The following HDAC9 variants were observed in gnomAD, a reference collection of about 807,000 sequenced individuals.
The protein encoded by HDAC9 is histone deacetylase 9, also known as MEF-2 interacting transcription repressor (MITR) protein.
Under a neutral mutation model 139.4 loss-of-function variants are expected in HDAC9, and 41 were observed. The ratio of observed to expected loss-of-function variants is 0.29; its 90% CI spans 0.23 to 0.38. The LOEUF is 0.38. HDAC9 is among the 10% of genes least tolerant of loss of function. The probability of loss-of-function intolerance (pLI) is 1.00; values close to 1 mark genes in which losing one functional copy is unlikely to be tolerated. For synonymous variants in HDAC9, 517 were observed against 476.2 expected (o/e 1.09, Z -1.12); for missense variants, 1,147 against 1,297.0 (o/e 0.88, Z 1.78).
At chr7:18,565,756 T>C (rs1034698436) in intron 2 of HDAC9, among the ~76,000 whole-genome samples, 9 of 152,180 alleles carry the variant, frequency 5.9e-5, no homozygotes, top group African/African-American at 2.2e-4. Flanking sequence ...ATTTTATTTA[T>C]ATAAGCCTTT....
chr7:18,525,960 G>A (rs1806747064), intron 2 of HDAC9, among the ~76,000 whole-genome samples: 1 of 152,148 alleles, frequency 6.6e-6, no homozygotes, highest in South Asian at 2.1e-4. Flanking sequence ...CACCACCAAA[G>A]ACATAATGTC....
intron 2 of HDAC9, among the ~76,000 whole-genome samples, chr7:18,256,417 G>A (rs540254810): frequency 1.3e-5 from 2 of 152,294 alleles, no homozygotes; most frequent in South Asian, 4.1e-4. Context: ...CTAGATGGAA[G>A]AGTTGAAAGG....
chr7:18,829,278 G>T, intron 18 of HDAC9, 62 bp downstream of exon 18: 1 of 1,348,990 alleles, frequency 7.4e-7, no homozygotes, highest in Non-Finnish European at 1.1e-6. Context: ...CACCTGCCCC[G>T]TGCATGTTTC....
At chr7:18,330,037 T>TA (rs1288665174) in intron 1 of HDAC9, among the ~76,000 whole-genome samples, 1 of 151,312 alleles carries the variant, frequency 6.6e-6, no homozygotes, top group Non-Finnish European at 1.5e-5. Context: ...GAAGGTATGA[T>TA]ACCCACCTCT....
rs182836257 is a variant in HDAC9 at position 18,251,453 on chromosome 7, C to T, written c.25+89104C>T. Among the ~76,000 whole-genome samples, 38 of 152,180 alleles carry T rather than the reference C, an allele frequency of 2.5e-4. No individual in the cohort carries two copies. In the East Asian group the frequency reaches 7.2e-3, roughly 29 times the overall value. ...ATGAGATGATCTGTGCAGCAGACCA[C>T]CATGGTACACATTTAGCTGTGTAAC... is the stretch of plus-strand genomic sequence containing the variant. On this transcript the variant is annotated intron_variant, in intron 2 of 12. Transcript: ENST00000417496.
rs368117424 is a variant in HDAC9 at position 18,488,107 on chromosome 7, C to G, written c.-41-8155C>G. Among the ~76,000 whole-genome samples the G allele has an allele frequency of 2.4e-4, 36 of 152,084 alleles. 3 individuals carry two copies. The highest frequency in any genetic ancestry group is 2.0e-3 in the Admixed American group (30 of 15,246). On this transcript the variant is annotated intron_variant, in intron 1 of 3. Transcript: ENST00000413509. ...AGAATGCTAATCCTTAACTGGACTTCTAGAATTTTTTTATTTTCATAGTCC... is the reference window on the plus strand; with the variant it reads ...AGAATGCTAATCCTTAACTGGACTTGTAGAATTTTTTTATTTTCATAGTCC...
chr7:18,978,649 T>C (rs1784703564), intron 25 of HDAC9, among the ~76,000 whole-genome samples: 1 of 152,208 alleles, frequency 6.6e-6, no homozygotes, highest in African/African-American at 2.4e-5. Flanking sequence ...AAATTAAATA[T>C]ATACGTCTGG....
At chr7:18,752,316 C>G (rs901168934) in intron 14 of HDAC9, among the ~76,000 whole-genome samples, 8 of 151,976 alleles carry the variant, frequency 5.3e-5, no homozygotes, top group African/African-American at 1.9e-4. Flanking sequence ...TGTTTCTGAG[C>G]CTTCTAAAGG....
chr7:18,178,175 C>T (rs1789093515), intron 2 of HDAC9, among the ~76,000 whole-genome samples: 1 of 152,104 alleles, frequency 6.6e-6, no homozygotes, highest in Admixed American at 6.6e-5. Flanking sequence ...CCTCCACCTC[C>T]CTAGTTCAAG....
At chr7:18,922,890 C>T (rs895167486) in intron 22 of HDAC9, among the ~76,000 whole-genome samples, 9 of 151,994 alleles carry the variant, frequency 5.9e-5, no homozygotes, top group Non-Finnish European at 8.8e-5. Flanking sequence ...TAATAAAAAT[C>T]GACAAATGTC....
chr7:18,470,418 G>A lies in HDAC9; in HGVS notation c.-41-25844G>A, dbSNP rs577576430. Among the ~76,000 whole-genome samples, 217 of 151,942 alleles carry A rather than the reference G, an allele frequency of 1.4e-3. 1 individual carries two copies. The highest frequency in any genetic ancestry group is 2.7e-3 in the Non-Finnish European group (181 of 67,966). On this transcript the variant is annotated intron_variant, in intron 1 of 3. Transcript: ENST00000413509. ...TATTTCCTTGTGTTTATTTCCATACGCTTAGCCACTTGTGGAGTTTTCTTT... is the reference window on the plus strand; with the variant it reads ...TATTTCCTTGTGTTTATTTCCATACACTTAGCCACTTGTGGAGTTTTCTTT...
At chr7:18,458,474 T>G (rs1246419841) in intron 1 of HDAC9, among the ~76,000 whole-genome samples, 1 of 152,184 alleles carries the variant, frequency 6.6e-6, no homozygotes, top group Non-Finnish European at 1.5e-5. Context: ...CCCACTAATA[T>G]TATTAATACT....
At chr7:18,787,716 A>G (rs1470047143) in intron 16 of HDAC9, among the ~76,000 whole-genome samples, 1 of 152,190 alleles carries the variant, frequency 6.6e-6, no homozygotes, top group Admixed American at 6.5e-5. Context: ...AATCCTGGCT[A>G]GATTTTTATC....
intron 13 of HDAC9, among the ~76,000 whole-genome samples, chr7:18,732,735 ATG>A (rs141428376): frequency 1.1e-5 from 1 of 94,558 alleles, no homozygotes; most frequent in Non-Finnish European, 2.0e-5. Flanking sequence ...ACACACGTGT[ATG>A]TGTGCGTATG....
At chr7:18,409,787 A>G (rs1205736262) in intron 1 of HDAC9, among the ~76,000 whole-genome samples, 1 of 152,050 alleles carries the variant, frequency 6.6e-6, no homozygotes, top group Non-Finnish European at 1.5e-5. Flanking sequence ...TGGAAACTCT[A>G]TTTTCTTATA....
intron 1 of HDAC9, among the ~76,000 whole-genome samples, chr7:18,126,225 C>G (rs1562647303): frequency 6.6e-6 from 1 of 152,060 alleles, no homozygotes; most frequent in Non-Finnish European, 1.5e-5. Context: ...ATTCTTATAG[C>G]CAATTTAGAA....
At chr7:18,298,434 CG>C (rs751225739) in intron 1 of HDAC9, among the ~76,000 whole-genome samples, 2 of 152,044 alleles carry the variant, frequency 1.3e-5, no homozygotes, top group African/African-American at 4.8e-5. Flanking sequence ...TATCCCTCCC[CG>C]CTCCCCACCC....
At chr7:18,520,387 C>T (rs1184526888) in intron 2 of HDAC9, among the ~76,000 whole-genome samples, 1 of 152,072 alleles carries the variant, frequency 6.6e-6, no homozygotes, top group East Asian at 1.9e-4. Context: ...AGAAATGTCA[C>T]TCACTATTAA....
chr7:18,160,245 G>A (rs1787532467), intron 1 of HDAC9, among the ~76,000 whole-genome samples: 1 of 152,134 alleles, frequency 6.6e-6, no homozygotes, highest in South Asian at 2.1e-4. Context: ...AAGGTTTCCT[G>A]TTGCTTTCTA....
Sources: allele counts gnomAD v4.1 joint callset (sites outside exome capture counted in the v4.1 genomes callset), GRCh38; gene constraint gnomAD v4.1.1; transcripts MANE v1.5; gene names NCBI Gene and HGNC (gene_info 2026-07-23, HGNC 2026-07-21).